The following OTOP1 variants were observed in gnomAD, a reference collection of about 807,000 sequenced individuals.
OTOP1 encodes the protein proton channel OTOP1.
OTOP1 carries 59 observed loss-of-function variants against 52.9 expected under a neutral mutation model. That is an observed-to-expected ratio of 1.12 (90% CI 0.91 to 1.39). The LOEUF is 1.39. Ranked by LOEUF, OTOP1 falls within the 40% of genes most tolerant of loss-of-function variation. The pLI is 0.00. For missense variants in OTOP1, 761 were observed against 800.9 expected, an observed-to-expected ratio of 0.95 and a Z score of 0.60; for synonymous variants, 317 against 337.7, an observed-to-expected ratio of 0.94 and a Z score of 0.67.
intron 1 of OTOP1, among the ~76,000 whole-genome samples, chr4:4,221,319 T>A (rs1717297039): frequency 6.6e-6 from 1 of 152,034 alleles, no homozygotes; most frequent in African/African-American, 2.4e-5. Context: ...GCTATTCGGG[T>A]GGCTGAGGTG....
At chr4:4,199,844 CTT>C (rs1289893026) in intron 4 of OTOP1, among the ~76,000 whole-genome samples, 1 of 152,196 alleles carries the variant, frequency 6.6e-6, no homozygotes, top group Non-Finnish European at 1.5e-5. Flanking sequence ...TAGCGACCAA[CTT>C]TTTTGTAGCA....
At chr4:4,191,654 T>C (rs1171800791) in intron 5 of OTOP1, among the ~76,000 whole-genome samples, 1 of 152,204 alleles carries the variant, frequency 6.6e-6, no homozygotes, top group Non-Finnish European at 1.5e-5. Context: ...GCCTTCTCAC[T>C]AAGCTGGTCC....
intron 1 of OTOP1, among the ~76,000 whole-genome samples, chr4:4,218,977 A>T (rs1717211938): frequency 6.6e-6 from 1 of 152,148 alleles, no homozygotes; most frequent in Non-Finnish European, 1.5e-5. Context: ...GAGTGAGGGA[A>T]GAAAAAAATG....
In OTOP1 at chr4:4,201,463, T is replaced by TACACACACAC. The variant is rs200995441; in HGVS notation, c.730+984_730+985insGTGTGTGTGT. On this transcript the variant is annotated intron_variant, in intron 4 of 5. Coordinates refer to ENST00000296358, the MANE Select transcript of OTOP1 (RefSeq NM_177998.3). ...ATAAAATAGAATAAATAAATAAATA[T>TACACACACAC]ATATATATACACACACACACACACA... 2.5e-3 allele frequency among the ~76,000 whole-genome samples: 325 copies of TACACACACAC among 128,382 alleles called. 3 individuals are homozygous for TACACACACAC. Among genetic ancestry groups the TACACACACAC allele is most frequent in the African/African-American group, 0.01 (303 of 29,770 alleles). 84.2% of individuals were successfully genotyped at this position (128,382 alleles called of 152,430 possible).
chr4:4,216,347 C>T (rs1203623729), intron 1 of OTOP1, among the ~76,000 whole-genome samples: 2 of 152,204 alleles, frequency 1.3e-5, no homozygotes, highest in African/African-American at 2.4e-5. Context: ...GCAGTGATCA[C>T]GAGGACTTGG....
At chr4:4,200,687 A>G (rs1424147451) in intron 4 of OTOP1, among the ~76,000 whole-genome samples, 3 of 145,620 alleles carry the variant, frequency 2.1e-5, no homozygotes. Context: ...CCATGTAGCT[A>G]TAGCTGGGAC....
rs1025495851 is a variant in OTOP1, at chr4:4,224,307, A to T, written c.403+2155T>A. Among the ~76,000 whole-genome samples the T allele has an allele frequency of 1.7e-4, 26 of 149,920 alleles. No individual in the cohort carries two copies. The Admixed American group carries it at 1.7e-3, about 10-fold the overall frequency. On this transcript the variant is annotated intron_variant, in intron 1 of 5. Coordinates refer to ENST00000296358, the MANE Select transcript of OTOP1 (RefSeq NM_177998.3). ...GGTTGCAGTGAGCCGAGATCGCACC[A>T]TTGCACTCCAGCCTGGGCGACAGGG... is the stretch of plus-strand genomic sequence containing the variant.
intron 4 of OTOP1, 125 bp from the exon 5 acceptor site, chr4:4,198,228 T>C: frequency 2.7e-6 from 2 of 741,404 alleles, no homozygotes; most frequent in Non-Finnish European, 2.2e-6. Flanking sequence ...ATGAGCTTTA[T>C]CATGTCATAG....
chr4:4,224,436 G>C (rs980114396), intron 1 of OTOP1, among the ~76,000 whole-genome samples: 8 of 151,566 alleles, frequency 5.3e-5, no homozygotes, highest in Admixed American at 4.6e-4. Flanking sequence ...AGGAGAAGGA[G>C]GGAAGGAAGA....
intron 5 of OTOP1, among the ~76,000 whole-genome samples, chr4:4,189,722 G>A (rs1335735973): frequency 3.3e-5 from 5 of 152,240 alleles, no homozygotes; most frequent in Non-Finnish European, 7.3e-5. Flanking sequence ...ACAGGTGGCA[G>A]AGCTGCCATG....
chr4:4,214,843 T>C (rs1429427112), intron 1 of OTOP1, among the ~76,000 whole-genome samples: 1 of 152,176 alleles, frequency 6.6e-6, no homozygotes, highest in Non-Finnish European at 1.5e-5. Flanking sequence ...AGTTTCAGTT[T>C]TGCAAGACGA....
chr4:4,209,749 G>T (rs1716984061), intron 2 of OTOP1, among the ~76,000 whole-genome samples: 1 of 152,142 alleles, frequency 6.6e-6, no homozygotes, highest in African/African-American at 2.4e-5. Flanking sequence ...TAATTTGCCT[G>T]AAGTCACACA....
At position 4,197,592 on chromosome 4, in the gene OTOP1, A is replaced by C. The variant is rs1455047475; in HGVS notation, c.1242T>G (p.Cys414Trp). Reference protein sequence around the residue: ...ISWGSILAILCAEGHPRYTWY... With the variant: ...ISWGSILAILWAEGHPRYTWY... The stretch of plus-strand genomic sequence containing the variant: ...AGGTGTAGCGGGGGTGGCCCTCAGC[A>C]CAGAGGATGGCCAAGATTGAGCCCC... The change falls in exon 5 of 6, where the codon TGT becomes TGG. Residue 414 changes from cysteine to tryptophan, a missense_variant. Physicochemically the swap from Cys to Trp is radical, Grantham distance 215. Transcript: ENST00000296358. 6.2e-7 allele frequency: 1 copy of C among 1,613,782 alleles called. No individual in the cohort carries two copies. The highest frequency in any genetic ancestry group is 8.5e-7 in the Non-Finnish European group (1 of 1,179,982).
In OTOP1 at chr4:4,226,622, G is replaced by T. The variant is rs765830786; in HGVS notation, c.243C>A (p.Ala81=). 7 of 1,592,558 alleles carry T rather than the reference G, an allele frequency of 4.4e-6. No homozygotes were observed. Among genetic ancestry groups the T allele is most frequent in the Admixed American group, 3.4e-5 (2 of 58,514 alleles). Residue 81 remains alanine, a synonymous_variant, in exon 1 of 6, where the codon GCC becomes GCA. Coordinates refer to ENST00000296358, the MANE Select transcript of OTOP1 (RefSeq NM_177998.3). ...VAGLLLLLAW[A]VHAAGVSKSD... ...TCTTGCTCACGCCCGCGGCGTGCACGGCCCAGGCCAGCAGCAGCAGCAGCC... is the reference window on the plus strand; with the variant it reads ...TCTTGCTCACGCCCGCGGCGTGCACTGCCCAGGCCAGCAGCAGCAGCAGCC...
rs1468337526 is a variant in OTOP1, at chr4:4,189,051, C to A, written c.1669-78G>T. On this transcript the variant is annotated intron_variant, in intron 5 of 5. Coordinates refer to ENST00000296358, the MANE Select transcript of OTOP1 (RefSeq NM_177998.3). ...CGGAGGCCCCACTCAAGTCCCAGGC[C>A]TCATGGGAGCTGAACCTAATGCACA... 7 of 1,360,436 alleles carry A rather than the reference C, an allele frequency of 5.1e-6. No homozygotes were observed. In the Middle Eastern group the frequency reaches 5.6e-4, roughly 109 times the overall value. The allele number at this position is 1,360,436 out of a possible 1,614,324, so 84.3% of individuals were successfully genotyped here. A position where few individuals can be genotyped will look rare whatever the true frequency, so the allele number is the denominator to read the frequency against.
intron 3 of OTOP1, among the ~76,000 whole-genome samples, chr4:4,205,266 G>T (rs991235647): frequency 3.3e-5 from 5 of 152,148 alleles, no homozygotes; most frequent in Admixed American, 6.5e-5. Context: ...CTTGAGGCAG[G>T]CTATGTTATT....
chr4:4,192,417 G>T (rs1316911494), intron 5 of OTOP1, among the ~76,000 whole-genome samples: 2 of 152,186 alleles, frequency 1.3e-5, no homozygotes, highest in Non-Finnish European at 2.9e-5. Flanking sequence ...AACCCACAAA[G>T]CCATGAGTCA....
At chr4:4,205,078 G>A (rs780532390) in intron 3 of OTOP1, among the ~76,000 whole-genome samples, 1 of 152,020 alleles carries the variant, frequency 6.6e-6, no homozygotes, top group East Asian at 1.9e-4. Context: ...AGTCCTACAT[G>A]GTGCTTTCTT....
At chr4:4,213,277 T>C (rs1717063977) in intron 1 of OTOP1, among the ~76,000 whole-genome samples, 1 of 152,146 alleles carries the variant, frequency 6.6e-6, no homozygotes, top group African/African-American at 2.4e-5. Flanking sequence ...GATCTAAATA[T>C]AAAAGTATAA....
Sources: allele counts gnomAD v4.1 joint callset (sites outside exome capture counted in the v4.1 genomes callset), GRCh38; gene constraint gnomAD v4.1.1; transcripts MANE v1.5; gene names NCBI Gene and HGNC (gene_info 2026-07-23, HGNC 2026-07-21).